The following OSBPL9 variants were observed in gnomAD, a reference collection of about 807,000 sequenced individuals.
The protein encoded by OSBPL9 is oxysterol-binding protein-related protein 9.
Under a neutral mutation model 106.6 loss-of-function variants are expected in OSBPL9, and 40 were observed. The observed-to-expected ratio is 0.38, with a 90% CI of 0.29 to 0.49. The LOEUF (loss-of-function observed/expected upper bound fraction) is 0.49. Among genes scored for constraint, OSBPL9 ranks in the 20% least tolerant of loss-of-function variants. OSBPL9 has a pLI of 0.97. For synonymous variants in OSBPL9, 269 were observed against 295.4 expected, an observed-to-expected ratio of 0.91 and a Z score of 0.92; for missense variants, 609 against 887.2, an observed-to-expected ratio of 0.69 and a Z score of 3.98.
At chr1:51,615,565 CCT>C (rs760557034), upstream of OSBPL9, among the ~76,000 whole-genome samples, 56 of 152,176 alleles carry the variant, frequency 3.7e-4, no homozygotes, top group Non-Finnish European at 6.0e-4. Flanking sequence ...CCAGTTTTTC[CCT>C]CTCTTGAAAA....
chr1:51,618,137 G>T (rs1644197182), intron 1 of OSBPL9, among the ~76,000 whole-genome samples: 1 of 151,930 alleles, frequency 6.6e-6, no homozygotes, highest in South Asian at 2.1e-4. Context: ...CCTGCCTCTG[G>T]CCTCCCTAGT....
At chr1:51,684,178 A>AT (rs1653235175) in intron 3 of OSBPL9, among the ~76,000 whole-genome samples, 2 of 151,928 alleles carry the variant, frequency 1.3e-5, no homozygotes, top group Admixed American at 1.3e-4. Flanking sequence ...TAATTTATTT[A>AT]TTTTTTATTT....
At position 51,659,437 on chromosome 1, in the gene OSBPL9, A is replaced by T. The variant is rs574941771; in HGVS notation, c.162+7396A>T. Among the ~76,000 whole-genome samples, 221 of 152,238 alleles carry T rather than the reference A, an allele frequency of 1.5e-3. 1 individual carries two copies. Among genetic ancestry groups the T allele is most frequent in the African/African-American group, 5.2e-3 (216 of 41,574 alleles). ...AAGTCTGATTTATAATCTTAAATGA[A>T]TATATTACAAGACAGATTGAGAATT... On this transcript the variant is annotated intron_variant, in intron 2 of 23. Transcript: ENST00000428468.
chr1:51,723,679 T>C (rs1174504579), intron 4 of OSBPL9, among the ~76,000 whole-genome samples: 1 of 152,178 alleles, frequency 6.6e-6, no homozygotes, highest in Non-Finnish European at 1.5e-5. Flanking sequence ...CCTGAGTAGC[T>C]GGGATCACAG....
the OSBPL9 span, among the ~76,000 whole-genome samples, chr1:51,524,550 T>C: frequency 2.0e-5 from 3 of 152,224 alleles, no homozygotes. Context: ...AGCTCCTTTT[T>C]CTTCCTACTG....
At chr1:51,771,948 T>C (rs1418843404) in intron 12 of OSBPL9, 122 bp from the exon 13 acceptor site, 3 of 663,694 alleles carry the variant, frequency 4.5e-6, no homozygotes, top group Non-Finnish European at 5.1e-6. Context: ...AGAGACCTTG[T>C]CATCAAGAGA....
intron 3 of OSBPL9, among the ~76,000 whole-genome samples, chr1:51,677,613 A>C (rs952624175): frequency 3.3e-5 from 5 of 151,538 alleles, no homozygotes; most frequent in Non-Finnish European, 5.9e-5. Flanking sequence ...GTGCAGTGGC[A>C]CAACAACAGC....
intron 2 of OSBPL9, among the ~76,000 whole-genome samples, chr1:51,609,963 G>T (rs1303895868): frequency 6.6e-6 from 1 of 151,726 alleles, no homozygotes; most frequent in East Asian, 2.0e-4. Flanking sequence ...TGGCCAGGCT[G>T]GTCTTGAACT....
chr1:51,633,449 T>A (rs1279415396), intron 1 of OSBPL9, among the ~76,000 whole-genome samples: 1 of 151,494 alleles, frequency 6.6e-6, no homozygotes, highest in Non-Finnish European at 1.5e-5. Flanking sequence ...TGGTGATGCA[T>A]GCCTGTGGTT....
chr1:51,696,647 A>C (rs1656077905), intron 3 of OSBPL9, among the ~76,000 whole-genome samples: 1 of 152,178 alleles, frequency 6.6e-6, no homozygotes, highest in Non-Finnish European at 1.5e-5. Context: ...ACTTACAAGC[A>C]CATACAAAAC....
intron 3 of OSBPL9, among the ~76,000 whole-genome samples, chr1:51,674,910 G>T (rs1001744190): frequency 4.6e-5 from 7 of 152,096 alleles, no homozygotes; most frequent in Non-Finnish European, 1.0e-4. Context: ...AGCTAAAAAA[G>T]AAAATTACAA....
In OSBPL9 at chr1:51,729,779, C is replaced by T. The variant is rs982914069; in HGVS notation, c.318+15700C>T. On this transcript the variant is annotated intron_variant, in intron 4 of 23. Transcript: ENST00000428468. This position sits in a 1 kb window ranked among gnomAD's most constrained non-coding sequence, Gnocchi z 5.1. ...CAGGGCCAGCCAATCGGGGCGACCC[C>T]TCCGCCGGGGAGGGGACGGGAAAGG... is the stretch of plus-strand genomic sequence containing the variant. The T allele has an allele frequency of 2.5e-5, 31 of 1,225,578 alleles. No individual in the cohort carries two copies. The East Asian group carries it at 7.0e-4, about 28-fold the overall frequency. The allele number at this position is 1,225,578 out of a possible 1,614,324, so 75.9% of individuals were successfully genotyped here. A position where few individuals can be genotyped will look rare whatever the true frequency, so the allele number is the denominator to read the frequency against.
chr1:51,558,927 CT>C, the OSBPL9 span, among the ~76,000 whole-genome samples: 1 of 152,114 alleles, frequency 6.6e-6, no homozygotes, highest in African/African-American at 2.4e-5. Flanking sequence ...GGAAAATTTT[CT>C]TTGTTCTCTA....
At chr1:51,544,837 C>CTTTTTTTT in the OSBPL9 span, among the ~76,000 whole-genome samples, 91 of 80,264 alleles carry the variant, frequency 1.1e-3, no homozygotes, top group Non-Finnish European at 1.5e-3. Context: ...AAGAGACATG[C>CTTTTTTTT]TTTTTTTTTT....
At chr1:51,606,513 T>C (rs1643949160) in intron 2 of OSBPL9, among the ~76,000 whole-genome samples, 1 of 152,200 alleles carries the variant, frequency 6.6e-6, no homozygotes, top group Non-Finnish European at 1.5e-5. Flanking sequence ...GGCATGAGAA[T>C]TCTGCAAGAC....
In OSBPL9 at chr1:51,682,621, G is replaced by A. The variant is rs574895156; in HGVS notation, c.241+13109G>A. 3.9e-5 allele frequency among the ~76,000 whole-genome samples: 6 copies of A among 152,032 alleles called. No individual in the cohort carries two copies. The South Asian group carries it at 1.0e-3, about 26-fold the overall frequency. Reference sequence around the variant, plus strand: ...AAAAATACAAAAATTAGCCAGGCCTGGTGGCGCGCGCCTATAATCCCAGCT... The same window carrying A: ...AAAAATACAAAAATTAGCCAGGCCTAGTGGCGCGCGCCTATAATCCCAGCT... On this transcript the variant is annotated intron_variant, in intron 3 of 23. Coordinates refer to ENST00000428468, the MANE Select transcript of OSBPL9 (RefSeq NM_024586.6).
At chr1:51,783,712 G>A (rs1287772132) in intron 17 of OSBPL9, among the ~76,000 whole-genome samples, 1 of 152,166 alleles carries the variant, frequency 6.6e-6, no homozygotes, top group Non-Finnish European at 1.5e-5. Context: ...TCATTTCAGG[G>A]ATGATCCTGC....
At chr1:51,557,165 A>C in the OSBPL9 span, among the ~76,000 whole-genome samples, 1 of 152,296 alleles carries the variant, frequency 6.6e-6, no homozygotes, top group African/African-American at 2.4e-5. Flanking sequence ...TGGCCAAAAA[A>C]GTTTTCTTGT....
At chr1:51,638,554 C>G (rs1353873226) in intron 1 of OSBPL9, among the ~76,000 whole-genome samples, 1 of 151,734 alleles carries the variant, frequency 6.6e-6, no homozygotes. Flanking sequence ...GAGACTCTAC[C>G]TGTATAAAAA....
Sources: gnomAD v4.1 joint callset for allele counts (sites outside exome capture counted in the v4.1 genomes callset) on GRCh38, gnomAD v4.1.1 for gene constraint, Gnocchi (gnomAD v3.1) non-coding constraint, MANE v1.5 for transcripts, NCBI Gene and HGNC (gene_info 2026-07-23, HGNC 2026-07-21) for gene names.